The following LDB2 variants were observed in gnomAD, a reference collection of about 807,000 sequenced individuals.
LDB2 encodes the protein LIM domain-binding protein 2.
Under a neutral mutation model 44.3 loss-of-function variants are expected in LDB2, and 12 were observed. The observed-to-expected ratio is 0.27, with a 90% confidence interval of 0.17 to 0.44. The LOEUF is 0.44. Among genes scored for constraint, LDB2 ranks in the 20% least tolerant of loss-of-function variants. The pLI is 1.00. For missense variants in LDB2, 344 were observed against 473.5 expected, an observed-to-expected ratio of 0.73 and a Z score of 2.54; for synonymous variants, 164 against 174.8, an observed-to-expected ratio of 0.94 and a Z score of 0.49.
chr4:16,810,276 C>T (rs757132541), intron 1 of LDB2, among the ~76,000 whole-genome samples: 3 of 152,192 alleles, frequency 2.0e-5, no homozygotes, highest in Admixed American at 6.5e-5. Context: ...ATCTCAAATG[C>T]ATCTTCCTAA....
chr4:16,518,772 G>C (rs573635003), intron 5 of LDB2, among the ~76,000 whole-genome samples: 3 of 152,364 alleles, frequency 2.0e-5, no homozygotes, highest in African/African-American at 7.2e-5. Context: ...GCTTGAGGCA[G>C]AGCATGTTCA....
At chr4:16,562,530 C>A (rs1577741588) in intron 5 of LDB2, among the ~76,000 whole-genome samples, 1 of 152,336 alleles carries the variant, frequency 6.6e-6, no homozygotes, top group East Asian at 1.9e-4. Flanking sequence ...CATCTCACAC[C>A]AGTTACAATG....
At position 16,748,205 on chromosome 4, in the gene LDB2, A is replaced by G. The variant is rs539131675; in HGVS notation, c.235+10953T>C. ...AATTAGTGTCATCATTGTCAAGTTC[A>G]AGTTCTCCTGACTTGTTGAAAAGCC... On this transcript the variant is annotated intron_variant, in intron 2 of 7. Coordinates refer to ENST00000304523, the MANE Select transcript of LDB2 (RefSeq NM_001290.5). 2.0e-5 allele frequency among the ~76,000 whole-genome samples: 3 copies of G among 152,276 alleles called. No homozygotes were observed. The South Asian group carries it at 6.2e-4, about 32-fold the overall frequency.
rs565875873 is a variant in LDB2 at position 16,716,077 on chromosome 4, C to A, written c.235+43081G>T. The stretch of plus-strand genomic sequence containing the variant: ...AAAGTTTATATTTCTAAGTAAGGCT[C>A]ATGCAGATCTTGGTGTGACTTTCTT... On this transcript the variant is annotated intron_variant, in intron 2 of 7. Transcript: ENST00000304523. 3.1e-4 allele frequency among the ~76,000 whole-genome samples: 47 copies of A among 152,266 alleles called. No homozygotes were observed. In the South Asian group the frequency reaches 9.5e-3, roughly 31 times the overall value.
At chr4:16,604,070 C>G (rs1723276828) in intron 2 of LDB2, among the ~76,000 whole-genome samples, 1 of 152,112 alleles carries the variant, frequency 6.6e-6, no homozygotes, top group Non-Finnish European at 1.5e-5. Context: ...TCCAGCTGGT[C>G]TTGAACTCCT....
intron 2 of LDB2, among the ~76,000 whole-genome samples, chr4:16,627,431 G>A (rs1730570998): frequency 1.3e-5 from 2 of 152,102 alleles, no homozygotes; most frequent in African/African-American, 4.8e-5. Context: ...GTGCTTGTGG[G>A]GAGCTCACTC....
chr4:16,656,277 A>G (rs1170167427), intron 2 of LDB2, among the ~76,000 whole-genome samples: 2 of 152,204 alleles, frequency 1.3e-5, no homozygotes, highest in Non-Finnish European at 2.9e-5. Context: ...TTCTTAACTG[A>G]ATGCCATAAG....
chr4:16,836,880 A>G (rs1250729087), intron 1 of LDB2, among the ~76,000 whole-genome samples: 1 of 152,208 alleles, frequency 6.6e-6, no homozygotes, highest in Admixed American at 6.5e-5. Context: ...CAAAGCCCAG[A>G]TGCTTTCCAC....
intron 2 of LDB2, among the ~76,000 whole-genome samples, chr4:16,625,282 C>A (rs1297593191): frequency 6.6e-6 from 1 of 152,190 alleles, no homozygotes; most frequent in East Asian, 1.9e-4. Context: ...AAAGTTCCAT[C>A]TGCTTGAAGT....
At chr4:16,771,742 C>A (rs1428548208) in intron 1 of LDB2, among the ~76,000 whole-genome samples, 1 of 152,180 alleles carries the variant, frequency 6.6e-6, no homozygotes, top group Non-Finnish European at 1.5e-5. Context: ...ATGTTTCTTT[C>A]CTTCCACTGC....
At chr4:16,747,990 G>T (rs1323241372) in intron 2 of LDB2, among the ~76,000 whole-genome samples, 1 of 152,094 alleles carries the variant, frequency 6.6e-6, no homozygotes, top group East Asian at 1.9e-4. Context: ...TCAAAGGCAG[G>T]AATAAGTCAG....
At chr4:16,814,785 G>C (rs1391618382) in intron 1 of LDB2, among the ~76,000 whole-genome samples, 1 of 152,164 alleles carries the variant, frequency 6.6e-6, no homozygotes, top group South Asian at 2.1e-4. Context: ...CTAGAATCAG[G>C]GGGTACAAAG....
intron 2 of LDB2, among the ~76,000 whole-genome samples, chr4:16,714,712 T>C (rs1046585438): frequency 6.6e-6 from 1 of 152,106 alleles, no homozygotes; most frequent in Non-Finnish European, 1.5e-5. Context: ...CATCTGGAAG[T>C]TCTGAGAGAG....
At chr4:16,621,194 C>T (rs374102187) in intron 2 of LDB2, among the ~76,000 whole-genome samples, 5 of 152,250 alleles carry the variant, frequency 3.3e-5, no homozygotes, top group African/African-American at 1.2e-4. Context: ...GAGGTCATGG[C>T]AACTGATTCA....
rs1036770752 is a variant in LDB2 at position 16,764,597 on chromosome 4, T to C, written c.133-5337A>G. On this transcript the variant is annotated intron_variant, in intron 1 of 7. Transcript: ENST00000304523. Reference sequence around the variant, plus strand: ...CAGTCATCTAGAATGGTATGGACCCTGCAACACAGACTCTAGCTTGGCCAC... The same window carrying C: ...CAGTCATCTAGAATGGTATGGACCCCGCAACACAGACTCTAGCTTGGCCAC... 1.8e-4 allele frequency among the ~76,000 whole-genome samples: 28 copies of C among 151,912 alleles called. 1 individual carries two copies. Among genetic ancestry groups the C allele is most frequent in the South Asian group, 4.2e-4 (2 of 4,812 alleles).
intron 5 of LDB2, chr4:16,581,307 G>A (rs1378163337): frequency 9.8e-6 from 6 of 612,876 alleles, no homozygotes; most frequent in Non-Finnish European, 1.0e-5. Context: ...GAGAGGTCAA[G>A]CAACTTGCCC....
At chr4:16,620,614 T>C (rs1253310748) in intron 2 of LDB2, among the ~76,000 whole-genome samples, 1 of 152,010 alleles carries the variant, frequency 6.6e-6, no homozygotes, top group Non-Finnish European at 1.5e-5. Context: ...TGTGGGGAGG[T>C]GAGAAGGGTG....
At chr4:16,652,343 A>G (rs1738523379) in intron 2 of LDB2, among the ~76,000 whole-genome samples, 2 of 152,240 alleles carry the variant, frequency 1.3e-5, no homozygotes, top group South Asian at 4.1e-4. Flanking sequence ...ATGAAACAAA[A>G]TACAATCCAC....
At chr4:16,759,334 G>A in intron 1 of LDB2, 74 bp from the exon 2 acceptor site, 1 of 1,163,290 alleles carries the variant, frequency 8.6e-7, no homozygotes, top group Admixed American at 1.7e-5. Flanking sequence ...AAAGGGAAGA[G>A]AAAGAAAAAC....
Sources: allele counts gnomAD v4.1 joint callset (sites outside exome capture counted in the v4.1 genomes callset), GRCh38; gene constraint gnomAD v4.1.1; transcripts MANE v1.5; gene names NCBI Gene and HGNC (gene_info 2026-07-23, HGNC 2026-07-21).